Variants in MCF2L2 observed in about 807,000 individuals in gnomAD.
MCF2L2 encodes the protein MCF.2 cell line derived transforming sequence-like 2.
In MCF2L2, 102 loss-of-function variants were observed where a neutral mutation model predicts 150.2. That is an observed-to-expected ratio of 0.68 (90% confidence interval 0.58 to 0.80). The LOEUF (loss-of-function observed/expected upper bound fraction) is 0.80, where lower values mean the gene tolerates loss of function less well. MCF2L2 is among the 30% of genes least tolerant of loss of function. The pLI is 0.00. For missense variants in MCF2L2, 1,256 were observed against 1,372.8 expected, an observed-to-expected ratio of 0.91 and a Z score of 1.34; for synonymous variants, 465 against 491.3, an observed-to-expected ratio of 0.95 and a Z score of 0.71.
intron 1 of MCF2L2, among the ~76,000 whole-genome samples, chr3:183,391,522 A>G (rs1399525678): frequency 6.6e-6 from 1 of 152,204 alleles, no homozygotes; most frequent in Non-Finnish European, 1.5e-5. Context: ...AGAAACACAA[A>G]TTGAAGCATT....
chr3:183,223,213 A>C, intron 20 of MCF2L2, 133 bp downstream of exon 20: 1 of 631,652 alleles, frequency 1.6e-6, no homozygotes, highest in Non-Finnish European at 2.8e-6. Flanking sequence ...TGGAGGAAAG[A>C]AAAAGCCTGC....
intron 2 of MCF2L2, among the ~76,000 whole-genome samples, chr3:183,387,704 A>G (rs6781970): frequency 0.79 from 120,596 of 152,034 alleles, 50,158 homozygotes; most frequent in Non-Finnish European, 0.91. Context: ...AGGCTGAGGC[A>G]GGTGGATCAC....
intron 5 of MCF2L2, among the ~76,000 whole-genome samples, chr3:183,331,997 T>C (rs746059253): frequency 2.0e-5 from 3 of 152,132 alleles, no homozygotes; most frequent in Non-Finnish European, 2.9e-5. Flanking sequence ...TCACACAAAA[T>C]AAACTCCTTT....
At chr3:183,223,274 G>T in intron 20 of MCF2L2, 72 bp downstream of exon 20, 1 of 1,141,600 alleles carries the variant, frequency 8.8e-7, no homozygotes, top group Non-Finnish European at 1.3e-6. Context: ...CTCTACATGT[G>T]TAACGACATG....
chr3:183,424,398 A>G (rs892019228), intron 1 of MCF2L2, among the ~76,000 whole-genome samples: 82 of 152,352 alleles, frequency 5.4e-4, no homozygotes, highest in African/African-American at 1.9e-3. Flanking sequence ...CAAAATAGTT[A>G]TCTACAAATA....
In MCF2L2 at chr3:183,364,898, G is replaced by C. The variant is rs75377719; in HGVS notation, c.275+14399C>G. Reference sequence around the variant, plus strand: ...GCTGAACGTTATCAAGGCCCAGATGGTTTCACAGGCGAATTCTACAAAATC... The same window carrying C: ...GCTGAACGTTATCAAGGCCCAGATGCTTTCACAGGCGAATTCTACAAAATC... On this transcript the variant is annotated intron_variant, in intron 3 of 29. Coordinates refer to ENST00000328913, the MANE Select transcript of MCF2L2 (RefSeq NM_015078.4). Among the ~76,000 whole-genome samples the C allele has an allele frequency of 4.0e-3, 613 of 152,228 alleles. 6 individuals carry two copies. Among genetic ancestry groups the C allele is most frequent in the African/African-American group, 0.013 (555 of 41,538 alleles).
rs1713364892 is a variant in MCF2L2, at chr3:183,379,091, C to T, written c.275+206G>A. On this transcript the variant is annotated intron_variant, in intron 3 of 29. Transcript: ENST00000328913. ...GTCCCTCCTGTGTGCACAAGAGAGT[C>T]AAAACTGAGGCTTGTTTGTCATTGT... 4 of 518,540 alleles carry T rather than the reference C, an allele frequency of 7.7e-6. No homozygotes were observed. In the East Asian group the frequency reaches 1.4e-4, roughly 18 times the overall value. 32.1% of individuals were successfully genotyped at this position (518,540 alleles called of 1,614,324 possible). A position where few individuals can be genotyped will look rare whatever the true frequency, so the allele number is the denominator to read the frequency against.
At chr3:183,360,229 T>A (rs540686235) in intron 3 of MCF2L2, among the ~76,000 whole-genome samples, 4 of 152,160 alleles carry the variant, frequency 2.6e-5, no homozygotes, top group African/African-American at 9.6e-5. Context: ...AACCCACTGT[T>A]AATGAGGCAG....
At chr3:183,242,032 T>TGA (rs1422194789) in intron 15 of MCF2L2, among the ~76,000 whole-genome samples, 2 of 152,020 alleles carry the variant, frequency 1.3e-5, no homozygotes, top group Non-Finnish European at 2.9e-5. Context: ...AATTTGAACT[T>TGA]GAGAGAGATG....
intron 3 of MCF2L2, among the ~76,000 whole-genome samples, chr3:183,364,103 G>C (rs1002708188): frequency 2.6e-5 from 4 of 152,144 alleles, no homozygotes; most frequent in African/African-American, 9.7e-5. Context: ...GCAGTGAATG[G>C]AGACAATTCA....
intron 5 of MCF2L2, among the ~76,000 whole-genome samples, chr3:183,323,580 C>T (rs893714954): frequency 1.3e-5 from 2 of 151,660 alleles, no homozygotes; most frequent in African/African-American, 4.8e-5. Context: ...TCATTTGAGG[C>T]CTGGAGTTTG....
In MCF2L2 at chr3:183,335,852, C is replaced by G. The variant is rs4859168; in HGVS notation, c.486+2948G>C. Among the ~76,000 whole-genome samples the G allele has an allele frequency of 2.6e-5, 4 of 151,848 alleles. No homozygotes were observed. The South Asian group carries it at 8.3e-4, about 32-fold the overall frequency. ...CTCTAGCCTGGGTGACAGAGAGAGA[C>G]CCCATCTCTAAAATCAAAACAAAAC... On this transcript the variant is annotated intron_variant, in intron 5 of 29. Transcript: ENST00000328913.
In MCF2L2 at chr3:183,179,749, C is replaced by A; in HGVS notation, c.3106-57G>T. 1 of 1,495,788 alleles carries A rather than the reference C, an allele frequency of 6.7e-7. No homozygotes were observed. Among genetic ancestry groups the A allele is most frequent in the Non-Finnish European group, 9.3e-7 (1 of 1,079,036 alleles). The allele number at this position is 1,495,788 out of a possible 1,614,324, so 92.7% of individuals were successfully genotyped here. On this transcript the variant is annotated intron_variant, in intron 28 of 29. Coordinates refer to ENST00000328913, the MANE Select transcript of MCF2L2 (RefSeq NM_015078.4). This position sits in a 1 kb window ranked among gnomAD's most constrained non-coding sequence, Gnocchi z 4.2. The stretch of plus-strand genomic sequence containing the variant: ...GTTATTGCTGGAGGCTGTGGCCAGA[C>A]CGGGCAAGGTGGTGACTCCCGCTGG...
chr3:183,403,367 G>C (rs977436175), intron 1 of MCF2L2, among the ~76,000 whole-genome samples: 1 of 152,246 alleles, frequency 6.6e-6, no homozygotes, highest in Non-Finnish European at 1.5e-5. Context: ...AAATAATGAC[G>C]ACTTGTGATA....
intron 15 of MCF2L2, among the ~76,000 whole-genome samples, chr3:183,239,922 G>A (rs1723933870): frequency 6.6e-6 from 1 of 152,132 alleles, no homozygotes; most frequent in Non-Finnish European, 1.5e-5. Context: ...ACATCAAGTT[G>A]AAATAGAACT....
intron 15 of MCF2L2, chr3:183,269,516 A>C (rs989846392): frequency 5.8e-6 from 2 of 345,332 alleles, no homozygotes; most frequent in African/African-American, 4.3e-5. Flanking sequence ...GAATATTCAC[A>C]TGGGAGAGCC....
chr3:183,302,966 G>A (rs570843467), intron 10 of MCF2L2, among the ~76,000 whole-genome samples: 46 of 151,874 alleles, frequency 3.0e-4, no homozygotes, highest in Admixed American at 5.2e-4. Context: ...AGGCCGAGAC[G>A]GGCAGATCAT....
intron 20 of MCF2L2, among the ~76,000 whole-genome samples, chr3:183,220,765 A>G (rs1348890137): frequency 2.6e-5 from 4 of 152,210 alleles, no homozygotes; most frequent in Non-Finnish European, 4.4e-5. Flanking sequence ...ACTTCCTTAG[A>G]TAACTAGAGG....
intron 14 of MCF2L2, among the ~76,000 whole-genome samples, chr3:183,281,639 G>A (rs1032494678): frequency 2.6e-5 from 4 of 152,078 alleles, no homozygotes; most frequent in Non-Finnish European, 5.9e-5. Context: ...TTCATGCATT[G>A]TGGTGAACTA....
Sources: allele counts gnomAD v4.1 joint callset (sites outside exome capture counted in the v4.1 genomes callset), GRCh38; gene constraint gnomAD v4.1.1; non-coding constraint Gnocchi (gnomAD v3.1); transcripts MANE v1.5; gene names NCBI Gene and HGNC (gene_info 2026-07-23, HGNC 2026-07-21).